The following SETD5 variants were observed in gnomAD, a reference collection of about 807,000 sequenced individuals.
The protein encoded by SETD5 is SET domain containing 5.
A neutral mutation model predicts 153.3 loss-of-function variants in SETD5; 44 were observed. That is an observed-to-expected ratio of 0.29 (90% CI 0.23 to 0.37). The LOEUF (loss-of-function observed/expected upper bound fraction) is 0.37. Among genes scored for constraint, SETD5 ranks in the 10% least tolerant of loss-of-function variants. The probability of loss-of-function intolerance (pLI) is 1.00; values close to 1 mark genes in which losing one functional copy is unlikely to be tolerated. For missense variants in SETD5, 1,544 were observed against 1,768.0 expected, an observed-to-expected ratio of 0.87 and a Z score of 2.27; for synonymous variants, 716 against 645.2, an observed-to-expected ratio of 1.11 and a Z score of -1.66.
At chr3:9,447,574 A>C (rs1301930827) in intron 14 of SETD5, 112 bp from the exon 15 acceptor site, 1 of 1,247,022 alleles carries the variant, frequency 8.0e-7, no homozygotes, top group East Asian at 2.4e-5. Context: ...TAGTGTTTCT[A>C]ATCCTTATAT....
Position 9,440,711 on chromosome 3 carries a change from G to A in SETD5, c.810+13G>A, listed in dbSNP as rs2041163225. On this transcript the variant is annotated intron_variant, in intron 8 of 22. Coordinates refer to ENST00000402198, the MANE Select transcript of SETD5 (RefSeq NM_001080517.3). ...TTCCCAAATGCAGGTAAGCACCAAA[G>A]GGTTGAGGACTCTCTAAGTAGCTGA... 1.2e-6 allele frequency: 2 copies of A among 1,610,262 alleles called. No homozygotes were observed. Among genetic ancestry groups the A allele is most frequent in the East Asian group, 2.2e-5 (1 of 44,802 alleles).
chr3:9,420,893 A>G (rs919204557), intron 1 of SETD5, among the ~76,000 whole-genome samples: 33 of 151,744 alleles, frequency 2.2e-4, no homozygotes, highest in African/African-American at 8.0e-4. Flanking sequence ...AGCAAACTTG[A>G]AATATATGCT....
chr3:9,433,762 G>A (rs1294097543), intron 3 of SETD5, 83 bp from the exon 4 acceptor site: 1 of 1,361,136 alleles, frequency 7.3e-7, no homozygotes, highest in South Asian at 1.2e-5. Context: ...GGAAAGAGGA[G>A]GGGTTAGAAT....
At chr3:9,472,606 T>C (rs1007732996) in intron 19 of SETD5, among the ~76,000 whole-genome samples, 18 of 152,234 alleles carry the variant, frequency 1.2e-4, no homozygotes, top group Admixed American at 2.6e-4. Context: ...CAGTAATAAA[T>C]TCCTATTTAT....
intron 18 of SETD5, 106 bp downstream of exon 18, chr3:9,464,778 C>A: frequency 6.4e-7 from 1 of 1,553,918 alleles, no homozygotes; most frequent in Non-Finnish European, 8.8e-7. Context: ...TATCTTTCTT[C>A]CCCATCTCAG....
intron 1 of SETD5, among the ~76,000 whole-genome samples, chr3:9,406,272 A>G (rs974719066): frequency 2.0e-5 from 3 of 152,244 alleles, no homozygotes; most frequent in Non-Finnish European, 4.4e-5. Flanking sequence ...CCTAAAACAG[A>G]ACAAAGAGAA....
In SETD5 at chr3:9,434,995, A is replaced by G. The variant is rs566072900; in HGVS notation, c.388+113A>G. On this transcript the variant is annotated intron_variant, in intron 6 of 22. Transcript: ENST00000402198. This position sits in a 1 kb window ranked among gnomAD's most constrained non-coding sequence, Gnocchi z 5.6. ...CGCAGTGGCTTACGCCTGTAATCTC[A>G]CCACTTAGGGAGGCCAAAGCGGGCG... is the stretch of plus-strand genomic sequence containing the variant. 1.1e-4 allele frequency: 136 copies of G among 1,241,136 alleles called. 1 individual carries two copies. In the South Asian group the frequency reaches 1.9e-3, roughly 18 times the overall value. The allele number at this position is 1,241,136 out of a possible 1,614,324, so 76.9% of individuals were successfully genotyped here.
intron 2 of SETD5, among the ~76,000 whole-genome samples, chr3:9,427,506 C>T (rs1156723507): frequency 6.6e-6 from 1 of 152,142 alleles, no homozygotes; most frequent in Non-Finnish European, 1.5e-5. Flanking sequence ...GCCAAGATTG[C>T]GCCATTACAC....
At chr3:9,399,858 GT>G (rs2034468644) in intron 1 of SETD5, among the ~76,000 whole-genome samples, 1 of 150,472 alleles carries the variant, frequency 6.6e-6, no homozygotes, top group African/African-American at 2.4e-5. Context: ...TGTGTAAGGA[GT>G]GGGGGTGGGG....
chr3:9,464,856 T>A, intron 18 of SETD5, 184 bp downstream of exon 18: 2 of 822,432 alleles, frequency 2.4e-6, no homozygotes, highest in Admixed American at 5.4e-5. Flanking sequence ...TGGCAGCCCC[T>A]ATGCTTCCCA....
At chr3:9,431,366 T>C (rs1385020223) in intron 3 of SETD5, 1 of 985,296 alleles carries the variant, frequency 1.0e-6, no homozygotes, top group African/African-American at 1.7e-5. Flanking sequence ...AATTCAGTGA[T>C]AGGAGAAGAA....
intron 3 of SETD5, 144 bp downstream of exon 3, chr3:9,429,153 C>A (rs2039661384): frequency 4.6e-6 from 2 of 437,132 alleles, no homozygotes; most frequent in African/African-American, 4.1e-5. Context: ...TCCCTTTACC[C>A]CCATTGAAGG....
At chr3:9,430,891 T>G (rs2039883168) in intron 3 of SETD5, 1 of 985,340 alleles carries the variant, frequency 1.0e-6, no homozygotes, top group Non-Finnish European at 1.2e-6. Flanking sequence ...TGAAACATTT[T>G]CATTCATGAT....
chr3:9,475,851 G>C lies in SETD5; in HGVS notation c.4089G>C (p.Gln1363His), dbSNP rs2045802840. ...CGCCAACCTCAGATTCAGTTTCTCAGTCCAGCACAGGAACTCTGAGTTCCA... is the reference window on the plus strand; with the variant it reads ...CGCCAACCTCAGATTCAGTTTCTCACTCCAGCACAGGAACTCTGAGTTCCA... ...SDSPTSDSVS[Q>H]SSTGTLSSTS... The change falls in exon 23 of 23, where the codon CAG becomes CAC. Residue 1363 changes from glutamine to histidine, a missense_variant. This residue lies in a region of SETD5 where 302 missense variants were observed against 277.6 expected (regional missense o/e 1.09). Coordinates refer to ENST00000402198, the MANE Select transcript of SETD5 (RefSeq NM_001080517.3). 1 of 1,613,906 alleles carries C rather than the reference G, an allele frequency of 6.2e-7. No homozygotes were observed. The highest frequency in any genetic ancestry group is 1.1e-5 in the South Asian group (1 of 91,092).
intron 13 of SETD5, among the ~76,000 whole-genome samples, chr3:9,446,203 C>T (rs2041972138): frequency 7.1e-6 from 1 of 140,948 alleles, no homozygotes; most frequent in South Asian, 2.2e-4. Context: ...AGGAGAATGG[C>T]ATGAACCTGG....
chr3:9,429,045 A>T, intron 3 of SETD5, 36 bp downstream of exon 3: 1 of 1,504,444 alleles, frequency 6.6e-7, no homozygotes, highest in Non-Finnish European at 9.2e-7. Context: ...GTACATTATC[A>T]GTCTGTGTGG....
chr3:9,475,056 G>T lies in SETD5; in HGVS notation c.3632-12G>T. ...GCCAAGTTGATTTTTTTTTATATAT[G>T]TTACCTTCCAGACCCTGCAGATGGA... On this transcript the variant is annotated splice_polypyrimidine_tract_variant and intron_variant, in intron 21 of 22. Coordinates refer to ENST00000402198, the MANE Select transcript of SETD5 (RefSeq NM_001080517.3). 1 of 1,559,524 alleles carries T rather than the reference G, an allele frequency of 6.4e-7. No individual in the cohort carries two copies. The highest frequency in any genetic ancestry group is 8.7e-7 in the Non-Finnish European group (1 of 1,153,488).
Position 9,475,510 on chromosome 3 carries a change from G to A in SETD5, c.3748G>A (p.Glu1250Lys), listed in dbSNP as rs1201557692. 1 of 1,613,538 alleles carries A rather than the reference G, an allele frequency of 6.2e-7. No individual in the cohort carries two copies. The highest frequency in any genetic ancestry group is 8.5e-7 in the Non-Finnish European group (1 of 1,179,580). ...QLLQCDSPRTESQSLLQQSSS... is the reference protein window; with the variant it reads ...QLLQCDSPRTKSQSLLQQSSS... ...CCTGCAGTGTGATAGTCCTCGGACAGAATCACAAAGCCTCCTTCAGCAGAG... is the reference window on the plus strand; with the variant it reads ...CCTGCAGTGTGATAGTCCTCGGACAAAATCACAAAGCCTCCTTCAGCAGAG... The change falls in exon 23 of 23, where the codon GAA (glutamate) becomes AAA (lysine). Residue 1250 changes from glutamate (E) to lysine (K), a missense_variant. Around this residue, in one of 9 missense-constraint regions of SETD5, gnomAD observed 302 missense variants for 277.6 expected, o/e 1.09. Transcript: ENST00000402198.
At chr3:9,400,534 A>G (rs1442622816) in intron 1 of SETD5, among the ~76,000 whole-genome samples, 1 of 152,200 alleles carries the variant, frequency 6.6e-6, no homozygotes, top group African/African-American at 2.4e-5. Context: ...ACATTTTACT[A>G]AGCTTGAACT....
Sources: allele counts gnomAD v4.1 joint callset (sites outside exome capture counted in the v4.1 genomes callset), GRCh38; gene constraint gnomAD v4.1.1; regional missense constraint gnomAD v4.1.1; non-coding constraint Gnocchi (gnomAD v3.1); transcripts MANE v1.5; gene names NCBI Gene and HGNC (gene_info 2026-07-23, HGNC 2026-07-21).